INTU: variants seen among roughly 807,000 people sequenced by gnomAD.
INTU encodes protein inturned.
In INTU, 68 loss-of-function variants were observed where a neutral mutation model predicts 100.5. That is an observed-to-expected ratio of 0.68 (90% CI 0.56 to 0.83). The LOEUF is 0.83. INTU is among the 40% of genes least tolerant of loss of function. INTU has a pLI of 0.00. For missense variants in INTU, 1,071 were observed against 1,114.7 expected, an observed-to-expected ratio of 0.96 and a Z score of 0.56; for synonymous variants, 357 against 395.7, an observed-to-expected ratio of 0.90 and a Z score of 1.16.
At chr4:127,637,237 C>T (rs567732314) in intron 1 of INTU, among the ~76,000 whole-genome samples, 2 of 152,330 alleles carry the variant, frequency 1.3e-5, no homozygotes, top group Non-Finnish European at 2.9e-5. Context: ...TTTCTCCTGT[C>T]TGTGGTCTTT....
At chr4:127,670,569 A>C (rs964565549) in intron 5 of INTU, among the ~76,000 whole-genome samples, 1 of 151,960 alleles carries the variant, frequency 6.6e-6, no homozygotes, top group Non-Finnish European at 1.5e-5. Flanking sequence ...GATATAGTAC[A>C]TAAGTGATAC....
chr4:127,688,307 G>C (rs1385627336), intron 8 of INTU, among the ~76,000 whole-genome samples: 1 of 152,100 alleles, frequency 6.6e-6, no homozygotes, highest in African/African-American at 2.4e-5. Context: ...GAACATATGT[G>C]ATTAGCTTTT....
At chr4:127,656,067 C>T (rs889500386) in intron 2 of INTU, among the ~76,000 whole-genome samples, 7 of 152,342 alleles carry the variant, frequency 4.6e-5, no homozygotes, top group South Asian at 4.1e-4. Context: ...GGCAATGCCT[C>T]GCCCTGCTTT....
chr4:127,717,423 A>G lies in INTU; in HGVS notation c.*987A>G, dbSNP rs958004636. 6.6e-6 allele frequency: 1 copy of G among 152,202 alleles called. No individual in the cohort carries two copies. The highest frequency in any genetic ancestry group is 1.5e-5 in the Non-Finnish European group (1 of 68,044). 9.4% of individuals were successfully genotyped at this position (152,202 alleles called of 1,614,324 possible). A position where few individuals can be genotyped will look rare whatever the true frequency, so the allele number is the denominator to read the frequency against. Reference sequence around the variant, plus strand: ...TTTGGGTTGATTCCATGTCTTTGCTATTGTAAATAGTGCTTCAATGAACAT... The same window carrying G: ...TTTGGGTTGATTCCATGTCTTTGCTGTTGTAAATAGTGCTTCAATGAACAT... On this transcript the variant is annotated 3_prime_UTR_variant, in exon 16 of 16. Transcript: ENST00000335251.
Position 127,717,450 on chromosome 4 carries a change from T to G in INTU, c.*1014T>G, listed in dbSNP as rs985215164. 3 of 152,210 alleles carry G rather than the reference T, an allele frequency of 2.0e-5. No homozygotes were observed. Among genetic ancestry groups the G allele is most frequent in the African/African-American group, 7.2e-5 (3 of 41,470 alleles). 9.4% of individuals were successfully genotyped at this position (152,210 alleles called of 1,614,324 possible). ...TGTAAATAGTGCTTCAATGAACATA[T>G]GTGTGCATATATATTTGTAATTGAA... On this transcript the variant is annotated 3_prime_UTR_variant, in exon 16 of 16. Transcript: ENST00000335251.
At chr4:127,704,847 G>T (rs1560616652) in intron 10 of INTU, among the ~76,000 whole-genome samples, 1 of 151,960 alleles carries the variant, frequency 6.6e-6, no homozygotes, top group African/African-American at 2.4e-5. Flanking sequence ...CATCACTTTG[G>T]GGGGCCGAGG....
Position 127,706,905 on chromosome 4 carries a change from C to A in INTU, c.2207C>A (p.Ala736Glu). The A allele has an allele frequency of 1.2e-6, 2 of 1,613,896 alleles. No homozygotes were observed. Among genetic ancestry groups the A allele is most frequent in the South Asian group, 2.2e-5 (2 of 91,080 alleles). Reference protein sequence around the residue: ...DGFSPHTTPDAVRKQRESQGS... With the variant: ...DGFSPHTTPDEVRKQRESQGS... ...TTTAGCCCCCATACTACACCGGATG[C>A]AGTACGGAAGCAAAGAGAATCTCAG... The change falls in exon 12 of 16, where the codon GCA becomes GAA. Residue 736 changes from alanine to glutamate, a missense_variant. Physicochemically the swap from Ala to Glu is moderately radical, Grantham distance 107. Transcript: ENST00000335251.
At chr4:127,654,335 TG>T (rs1728068894) in intron 2 of INTU, among the ~76,000 whole-genome samples, 1 of 152,266 alleles carries the variant, frequency 6.6e-6, no homozygotes, top group Non-Finnish European at 1.5e-5. Flanking sequence ...CTTTACATTT[TG>T]GCATGATTTT....
rs146347534 is a variant in INTU, at chr4:127,671,349, C to T, written c.1091+2195C>T. Among the ~76,000 whole-genome samples the T allele has an allele frequency of 2.2e-3, 338 of 151,938 alleles. 2 individuals are homozygous for T. The highest frequency in any genetic ancestry group is 7.6e-3 in the African/African-American group (314 of 41,496). ...TAAAAGAAGACATACAAATGGATAA[C>T]GTGCATATGAAAAAATGCTCATCAC... is the stretch of plus-strand genomic sequence containing the variant. On this transcript the variant is annotated intron_variant, in intron 5 of 15. Transcript: ENST00000335251.
chr4:127,659,496 G>A (rs1402131538), intron 3 of INTU, among the ~76,000 whole-genome samples: 4 of 152,124 alleles, frequency 2.6e-5, no homozygotes, highest in African/African-American at 9.7e-5. Flanking sequence ...AAAATAAAAT[G>A]TTGATTTAAA....
intron 3 of INTU, among the ~76,000 whole-genome samples, chr4:127,657,289 T>C (rs1728275845): frequency 6.6e-6 from 1 of 152,212 alleles, no homozygotes; most frequent in African/African-American, 2.4e-5. Flanking sequence ...ATTGACATTG[T>C]GTATCGTAGA....
At chr4:127,702,493 A>G (rs1730692493) in intron 9 of INTU, among the ~76,000 whole-genome samples, 1 of 152,170 alleles carries the variant, frequency 6.6e-6, no homozygotes, top group Non-Finnish European at 1.5e-5. Context: ...TGGTATATCC[A>G]GGAATGGACT....
chr4:127,670,894 A>G (rs1418259465), intron 5 of INTU, among the ~76,000 whole-genome samples: 1 of 152,068 alleles, frequency 6.6e-6, no homozygotes, highest in Non-Finnish European at 1.5e-5. Flanking sequence ...TGGTGCTGGG[A>G]AAGTTGGATA....
intron 8 of INTU, among the ~76,000 whole-genome samples, chr4:127,697,093 C>T (rs760663632): frequency 2.0e-5 from 3 of 152,142 alleles, no homozygotes; most frequent in Non-Finnish European, 4.4e-5. Context: ...ACAGTAGTTA[C>T]GTGAACTTAA....
At chr4:127,681,963 C>T (rs2126224632) in intron 6 of INTU, among the ~76,000 whole-genome samples, 1 of 151,978 alleles carries the variant, frequency 6.6e-6, no homozygotes, top group Middle Eastern at 3.4e-3. Flanking sequence ...AGATACTTCT[C>T]AAAAGAAGAC....
chr4:127,658,633 A>G (rs974814566), intron 3 of INTU, among the ~76,000 whole-genome samples: 1 of 152,192 alleles, frequency 6.6e-6, no homozygotes, highest in African/African-American at 2.4e-5. Flanking sequence ...GAGTTCAATC[A>G]TGTCTATTCT....
chr4:127,634,173 C>T lies in INTU; in HGVS notation c.146+993C>T, dbSNP rs142254344. Reference sequence around the variant, plus strand: ...GTATGGTGGGGAAACCTGTTTAATACATTCTTGAAGACTTAAACAAATTTT... The same window carrying T: ...GTATGGTGGGGAAACCTGTTTAATATATTCTTGAAGACTTAAACAAATTTT... On this transcript the variant is annotated intron_variant, in intron 1 of 15. Transcript: ENST00000335251. 3.3e-4 allele frequency among the ~76,000 whole-genome samples: 51 copies of T among 152,268 alleles called. 1 individual carries two copies. The East Asian group carries it at 9.1e-3, about 27-fold the overall frequency.
At chr4:127,708,395 T>C (rs1188382391) in intron 12 of INTU, among the ~76,000 whole-genome samples, 176 bp from the exon 13 acceptor site, 1 of 152,160 alleles carries the variant, frequency 6.6e-6, no homozygotes, top group Non-Finnish European at 1.5e-5. Flanking sequence ...GACATGACCC[T>C]GGGATCCCTG....
At chr4:127,661,512 G>T (rs1276769919) in intron 3 of INTU, among the ~76,000 whole-genome samples, 1 of 152,136 alleles carries the variant, frequency 6.6e-6, no homozygotes, top group East Asian at 1.9e-4. Flanking sequence ...AGACACTCCA[G>T]CTTCATCTCT....
Sources: gnomAD v4.1 joint callset for allele counts (sites outside exome capture counted in the v4.1 genomes callset) on GRCh38, gnomAD v4.1.1 for gene constraint, MANE v1.5 for transcripts, NCBI Gene and HGNC (gene_info 2026-07-23, HGNC 2026-07-21) for gene names.